The following SGCZ variants were observed in gnomAD, a reference collection of about 807,000 sequenced individuals.
SGCZ encodes zeta-sarcoglycan.
A neutral mutation model predicts 41.3 loss-of-function variants in SGCZ; 40 were observed. That is an observed-to-expected ratio of 0.97 (90% confidence interval 0.75 to 1.26). SGCZ has a LOEUF of 1.26. Among genes scored for constraint, SGCZ ranks in the 50% most tolerant of loss-of-function variants. SGCZ has a pLI of 0.00. For synonymous variants in SGCZ, 206 were observed against 137.5 expected, an observed-to-expected ratio of 1.50 and a Z score of -3.49; for missense variants, 552 against 369.8, an observed-to-expected ratio of 1.49 and a Z score of -4.04.
chr8:14,772,900 G>T (rs1340403133), intron 1 of SGCZ, among the ~76,000 whole-genome samples: 1 of 151,994 alleles, frequency 6.6e-6, no homozygotes, highest in East Asian at 1.9e-4. Context: ...CTGTGCATGT[G>T]TCTTTATAGC....
At chr8:14,124,421 A>T (rs921288336) in intron 5 of SGCZ, among the ~76,000 whole-genome samples, 4 of 152,176 alleles carry the variant, frequency 2.6e-5, no homozygotes, top group African/African-American at 9.7e-5. Flanking sequence ...ATTAGGAATA[A>T]AATTTATTTT....
intron 2 of SGCZ, among the ~76,000 whole-genome samples, chr8:14,527,369 A>G (rs573629838): frequency 6.6e-6 from 1 of 152,088 alleles, no homozygotes; most frequent in Non-Finnish European, 1.5e-5. Context: ...TGGCGCGATT[A>G]TGGCTCACTG....
chr8:14,578,270 C>T (rs1241409427), intron 1 of SGCZ, among the ~76,000 whole-genome samples: 1 of 152,218 alleles, frequency 6.6e-6, no homozygotes, highest in African/African-American at 2.4e-5. Context: ...ACCATACATG[C>T]ACCTTTTCCC....
At chr8:14,438,888 G>A (rs1800165610) in intron 2 of SGCZ, among the ~76,000 whole-genome samples, 1 of 152,000 alleles carries the variant, frequency 6.6e-6, no homozygotes, top group South Asian at 2.1e-4. Flanking sequence ...TTAAATGACA[G>A]AGAGTATATT....
At chr8:15,056,542 G>GAA (rs1207125607) in intron 1 of SGCZ, among the ~76,000 whole-genome samples, 35 of 136,686 alleles carry the variant, frequency 2.6e-4, no homozygotes, top group African/African-American at 9.1e-4. Flanking sequence ...ATGTAGGTGA[G>GAA]CAAAAAAAAA....
chr8:15,120,164 A>G (rs1807426130), intron 1 of SGCZ, among the ~76,000 whole-genome samples: 1 of 152,190 alleles, frequency 6.6e-6, no homozygotes, highest in Non-Finnish European at 1.5e-5. Flanking sequence ...ATATTTTTCT[A>G]ACAATGTTTC....
chr8:14,959,324 T>G (rs1800890152), intron 1 of SGCZ, among the ~76,000 whole-genome samples: 1 of 152,090 alleles, frequency 6.6e-6, no homozygotes, highest in Admixed American at 6.6e-5. Flanking sequence ...TGATATGCTT[T>G]CTTTGGTTGG....
intron 2 of SGCZ, among the ~76,000 whole-genome samples, chr8:14,329,735 T>G (rs1263269038): frequency 6.6e-6 from 1 of 152,202 alleles, no homozygotes; most frequent in African/African-American, 2.4e-5. Context: ...ACTCTTCCAG[T>G]GTGCCCCAAC....
intron 3 of SGCZ, among the ~76,000 whole-genome samples, chr8:14,246,377 A>C (rs1169359525): frequency 6.6e-6 from 1 of 151,564 alleles, no homozygotes; most frequent in South Asian, 2.1e-4. Context: ...GTTCTCACTC[A>C]TAGGTGGGAA....
At chr8:14,469,314 C>A (rs1367423005) in intron 2 of SGCZ, among the ~76,000 whole-genome samples, 1 of 152,100 alleles carries the variant, frequency 6.6e-6, no homozygotes, top group Non-Finnish European at 1.5e-5. Context: ...TTAACTTTTA[C>A]TTTCTTCAGA....
chr8:14,600,928 T>G (rs2117311935), intron 1 of SGCZ, among the ~76,000 whole-genome samples: 1 of 151,896 alleles, frequency 6.6e-6, no homozygotes, highest in East Asian at 1.9e-4. Flanking sequence ...AACCTCAAAG[T>G]AATCTTGATT....
At chr8:14,234,603 T>C (rs1806690034) in intron 4 of SGCZ, among the ~76,000 whole-genome samples, 1 of 152,010 alleles carries the variant, frequency 6.6e-6, no homozygotes, top group African/African-American at 2.4e-5. Flanking sequence ...TGTGTGCTAA[T>C]TTTTTTAATA....
At chr8:14,647,868 C>A (rs995759904) in intron 1 of SGCZ, among the ~76,000 whole-genome samples, 1 of 152,002 alleles carries the variant, frequency 6.6e-6, no homozygotes, top group Non-Finnish European at 1.5e-5. Context: ...GACAGCCTTA[C>A]AGTTCTGTGA....
chr8:14,943,163 C>G (rs1425132463), intron 1 of SGCZ, among the ~76,000 whole-genome samples: 1 of 152,206 alleles, frequency 6.6e-6, no homozygotes, highest in Non-Finnish European at 1.5e-5. Flanking sequence ...CTCACTAAAT[C>G]TACACTGTTT....
At chr8:14,256,019 A>C (rs1350173474) in intron 3 of SGCZ, among the ~76,000 whole-genome samples, 1 of 152,148 alleles carries the variant, frequency 6.6e-6, no homozygotes, top group South Asian at 2.1e-4. Context: ...AACATGCCTA[A>C]AAACTTTTTA....
intron 4 of SGCZ, among the ~76,000 whole-genome samples, chr8:14,170,100 A>G (rs548703957): frequency 2.7e-5 from 4 of 149,758 alleles, no homozygotes; most frequent in Non-Finnish European, 5.9e-5. Flanking sequence ...GAGTTTTCAT[A>G]TATTATTCTC....
intron 1 of SGCZ, among the ~76,000 whole-genome samples, chr8:15,103,783 C>T (rs768916000): frequency 6.6e-6 from 1 of 152,044 alleles, no homozygotes; most frequent in African/African-American, 2.4e-5. Flanking sequence ...AAATTCCCAG[C>T]ATAATGGGAG....
chr8:14,112,086 G>A (rs1802387942), intron 5 of SGCZ, among the ~76,000 whole-genome samples: 1 of 151,956 alleles, frequency 6.6e-6, no homozygotes, highest in Non-Finnish European at 1.5e-5. Context: ...ACAAGAAAAG[G>A]AAACCCAAGA....
chr8:14,814,038 G>C (rs938547560), intron 1 of SGCZ, among the ~76,000 whole-genome samples: 2 of 152,094 alleles, frequency 1.3e-5, no homozygotes, highest in Admixed American at 1.3e-4. Context: ...GGAGGCCCTA[G>C]CACAGTATGC....
Sources: allele counts gnomAD v4.1 joint callset (sites outside exome capture counted in the v4.1 genomes callset), GRCh38; gene constraint gnomAD v4.1.1; transcripts MANE v1.5; gene names NCBI Gene and HGNC (gene_info 2026-07-23, HGNC 2026-07-21).